Variants in PDGFD observed in about 807,000 individuals in gnomAD.
PDGFD encodes the protein platelet-derived growth factor D.
PDGFD carries 30 observed loss-of-function variants against 44.7 expected under a neutral mutation model. The observed-to-expected ratio is 0.67, with a 90% CI of 0.50 to 0.91. The LOEUF (loss-of-function observed/expected upper bound fraction) is 0.91, where lower values mean the gene tolerates loss of function less well. Among genes scored for constraint, PDGFD ranks in the 40% least tolerant of loss-of-function variants. PDGFD has a pLI of 0.00. For missense variants in PDGFD, 445 were observed against 457.8 expected, an observed-to-expected ratio of 0.97 and a Z score of 0.25; for synonymous variants, 173 against 168.4, an observed-to-expected ratio of 1.03 and a Z score of -0.21.
chr11:104,106,694 C>T (rs1055083496), intron 1 of PDGFD, among the ~76,000 whole-genome samples: 8 of 150,800 alleles, frequency 5.3e-5, no homozygotes, highest in Admixed American at 1.3e-4. Flanking sequence ...TTAGAAATTA[C>T]GGTGGCCAGA....
intron 1 of PDGFD, among the ~76,000 whole-genome samples, chr11:104,142,422 T>C (rs899818829): frequency 6.6e-6 from 1 of 152,116 alleles, no homozygotes; most frequent in African/African-American, 2.4e-5. Context: ...ATTTAACATA[T>C]ATATGTACAG....
At chr11:104,137,305 C>A (rs543512127) in intron 1 of PDGFD, among the ~76,000 whole-genome samples, 131 of 151,990 alleles carry the variant, frequency 8.6e-4, no homozygotes, top group African/African-American at 2.8e-3. Context: ...AAGAGAGATT[C>A]AATCCTTGCT....
Position 103,941,377 on chromosome 11 carries a change from T to G in PDGFD, c.772+2075A>C, listed in dbSNP as rs568276605. Among the ~76,000 whole-genome samples, 39 of 152,198 alleles carry G rather than the reference T, an allele frequency of 2.6e-4. No individual in the cohort carries two copies. The South Asian group carries it at 3.1e-3, about 12-fold the overall frequency. On this transcript the variant is annotated intron_variant, in intron 5 of 6. Coordinates refer to ENST00000393158, the MANE Select transcript of PDGFD (RefSeq NM_025208.5). ...CAAAATGAGGTGGTGTCTTAAGTGC[T>G]CCTAACTTTACCAGGTTAGGGGGTG...
chr11:104,098,139 T>C (rs541366792), intron 1 of PDGFD, among the ~76,000 whole-genome samples: 1 of 152,322 alleles, frequency 6.6e-6, no homozygotes, highest in East Asian at 1.9e-4. Flanking sequence ...ATTTCAATCA[T>C]ATAATTTGTT....
intron 1 of PDGFD, among the ~76,000 whole-genome samples, chr11:104,088,244 A>AT (rs1861163307): frequency 6.6e-6 from 1 of 152,378 alleles, no homozygotes; most frequent in African/African-American, 2.4e-5. Context: ...AAATGCACAC[A>AT]TACACACAAT....
At chr11:103,971,690 T>A (rs1379628614) in intron 3 of PDGFD, among the ~76,000 whole-genome samples, 1 of 152,230 alleles carries the variant, frequency 6.6e-6, no homozygotes, top group Non-Finnish European at 1.5e-5. Context: ...AACAAGAACC[T>A]AGGACATTAT....
chr11:104,010,402 ACACT>A (rs1859765396), intron 1 of PDGFD, among the ~76,000 whole-genome samples: 1 of 152,196 alleles, frequency 6.6e-6, no homozygotes, highest in African/African-American at 2.4e-5. Flanking sequence ...CTTGCCAGAA[ACACT>A]CACAGGAGTG....
At chr11:103,919,010 T>C (rs1043264790) in intron 6 of PDGFD, among the ~76,000 whole-genome samples, 2 of 152,178 alleles carry the variant, frequency 1.3e-5, no homozygotes, top group Non-Finnish European at 2.9e-5. Context: ...TGAGCTATGA[T>C]TCACAGCTGG....
intron 5 of PDGFD, among the ~76,000 whole-genome samples, chr11:103,939,877 C>T (rs1442074282): frequency 1.3e-5 from 2 of 152,034 alleles, no homozygotes; most frequent in African/African-American, 2.4e-5. Context: ...ATTATATACG[C>T]TACCCTTTTC....
rs201095199 is a variant in PDGFD at position 104,119,860 on chromosome 11, T to TTA, written c.124+43942_124+43943dup. On this transcript the variant is annotated intron_variant, in intron 1 of 6. Coordinates refer to ENST00000393158, the MANE Select transcript of PDGFD (RefSeq NM_025208.5). Reference sequence around the variant, plus strand: ...AATTATTATATATTATATAATTATATTATATATATAATCAATTATTATATA... The same window carrying TTA: ...AATTATTATATATTATATAATTATATTATATATATATAATCAATTATTATATA... Among the ~76,000 whole-genome samples the TTA allele has an allele frequency of 5.7e-5, 6 of 105,076 alleles. No homozygotes were observed. In the East Asian group the frequency reaches 1.6e-3, roughly 27 times the overall value. The allele number at this position is 105,076 out of a possible 152,430, so 68.9% of individuals were successfully genotyped here.
intron 3 of PDGFD, among the ~76,000 whole-genome samples, chr11:103,987,305 C>T (rs1308726145): frequency 3.3e-5 from 5 of 152,254 alleles, no homozygotes; most frequent in African/African-American, 1.2e-4. Context: ...CCCCATTTCT[C>T]TTTTGGGTTG....
chr11:103,959,676 G>C (rs1332597720), intron 3 of PDGFD, among the ~76,000 whole-genome samples: 1 of 152,012 alleles, frequency 6.6e-6, no homozygotes, highest in Non-Finnish European at 1.5e-5. Context: ...CTAAGTACAG[G>C]TTTTCATAAA....
Position 103,909,438 on chromosome 11 carries a change from CTG to C in PDGFD, c.*254_*255del. The C allele has an allele frequency of 2.4e-6, 1 of 413,536 alleles. No individual in the cohort carries two copies. The highest frequency in any genetic ancestry group is 4.4e-6 in the Non-Finnish European group (1 of 224,984). 25.6% of individuals were successfully genotyped at this position (413,536 alleles called of 1,614,324 possible). A position where few individuals can be genotyped will look rare whatever the true frequency, so the allele number is the denominator to read the frequency against. On this transcript the variant is annotated 3_prime_UTR_variant, in exon 7 of 7. Transcript: ENST00000393158. ...TATACACATAGACATGAATATATTT[CTG>C]TGTGTGTTTGTGCATATATAACCTC...
chr11:104,133,533 T>C (rs1861954985), intron 1 of PDGFD, among the ~76,000 whole-genome samples: 1 of 152,140 alleles, frequency 6.6e-6, no homozygotes, highest in Non-Finnish European at 1.5e-5. Context: ...GAGATGAAGA[T>C]GCCCCTCCAT....
At chr11:103,919,476 A>G (rs1183558395) in intron 6 of PDGFD, among the ~76,000 whole-genome samples, 1 of 151,374 alleles carries the variant, frequency 6.6e-6, no homozygotes, top group Non-Finnish European at 1.5e-5. Context: ...ATATAAACCC[A>G]AATCATTAAG....
At chr11:103,939,820 C>T (rs1858555241) in intron 5 of PDGFD, among the ~76,000 whole-genome samples, 1 of 152,054 alleles carries the variant, frequency 6.6e-6, no homozygotes, top group Non-Finnish European at 1.5e-5. Flanking sequence ...GAGGCTGAAA[C>T]TACTGGCAAA....
intron 5 of PDGFD, among the ~76,000 whole-genome samples, chr11:103,932,016 T>C (rs890318946): frequency 2.0e-5 from 3 of 152,162 alleles, no homozygotes; most frequent in African/African-American, 4.8e-5. Context: ...CTTGCTATAT[T>C]ATTTTAATCT....
intron 1 of PDGFD, among the ~76,000 whole-genome samples, chr11:104,025,527 G>A (rs1223372741): frequency 6.6e-6 from 1 of 152,174 alleles, no homozygotes; most frequent in East Asian, 1.9e-4. Flanking sequence ...GTAGATACAG[G>A]CAGTCTTTAT....
Position 103,973,112 on chromosome 11 carries a change from T to C in PDGFD, c.510+22953A>G, listed in dbSNP as rs554888833. ...GATGCATAGTATAAGAAGGCATTAATGATATAACGAAGAAGAAAGTGGTCA... is the reference window on the plus strand; with the variant it reads ...GATGCATAGTATAAGAAGGCATTAACGATATAACGAAGAAGAAAGTGGTCA... On this transcript the variant is annotated intron_variant, in intron 3 of 6. Transcript: ENST00000393158. Among the ~76,000 whole-genome samples the C allele has an allele frequency of 2.8e-4, 43 of 151,188 alleles. 1 individual carries two copies. Among genetic ancestry groups the C allele is most frequent in the African/African-American group, 1.0e-3 (42 of 41,244 alleles).
Sources: gnomAD v4.1 joint callset for allele counts (sites outside exome capture counted in the v4.1 genomes callset) on GRCh38, gnomAD v4.1.1 for gene constraint, MANE v1.5 for transcripts, NCBI Gene and HGNC (gene_info 2026-07-23, HGNC 2026-07-21) for gene names.